Variants in PHACTR1 observed in about 807,000 individuals in gnomAD.
PHACTR1 encodes phosphatase and actin regulator 1.
In PHACTR1, 16 loss-of-function variants were observed where a neutral mutation model predicts 69.2. The ratio of observed to expected loss-of-function variants is 0.23; its 90% CI spans 0.16 to 0.35. The LOEUF (loss-of-function observed/expected upper bound fraction) is 0.35. Ranked by LOEUF, PHACTR1 falls within the 10% of genes least tolerant of loss-of-function variation. The pLI is 1.00. For missense variants in PHACTR1, 510 were observed against 734.7 expected (o/e 0.69, Z 3.54); for synonymous variants, 312 against 284.5 (o/e 1.10, Z -0.97).
Position 13,230,024 on chromosome 6 carries a change from C to A in PHACTR1, c.1235-13C>A. 2.5e-6 allele frequency: 4 copies of A among 1,597,468 alleles called. No homozygotes were observed. The highest frequency in any genetic ancestry group is 3.4e-6 in the Non-Finnish European group (4 of 1,171,760). On this transcript the variant is annotated splice_polypyrimidine_tract_variant and intron_variant, in intron 9 of 14. Transcript: ENST00000332995. ...TATGTAAGCCTTAATTGACTCATTT[C>A]TGTCTCCTACAGGCTCCCTGGCCAT...
At chr6:13,185,552 T>C (rs1762729068) in intron 7 of PHACTR1, among the ~76,000 whole-genome samples, 3 of 152,152 alleles carry the variant, frequency 2.0e-5, no homozygotes, top group Admixed American at 2.0e-4. Flanking sequence ...TCTAAAATGA[T>C]TGCACACGTC....
At chr6:12,798,461 A>G (rs185958421) in intron 4 of PHACTR1, among the ~76,000 whole-genome samples, 49 of 152,306 alleles carry the variant, frequency 3.2e-4, no homozygotes, top group African/African-American at 1.0e-3. Flanking sequence ...AAGGTAGTGG[A>G]TATTGGAAAG....
chr6:12,718,152 T>C (rs1467033220), intron 2 of PHACTR1, among the ~76,000 whole-genome samples: 1 of 152,196 alleles, frequency 6.6e-6, no homozygotes, highest in African/African-American at 2.4e-5. Context: ...CCTCTAGCAC[T>C]TTATAAAATG....
intron 4 of PHACTR1, among the ~76,000 whole-genome samples, chr6:12,849,310 G>A (rs897626389): frequency 2.6e-5 from 4 of 152,194 alleles, no homozygotes; most frequent in Admixed American, 1.3e-4. Context: ...GAGGTCCCAC[G>A]TCGGTGATTC....
intron 4 of PHACTR1, among the ~76,000 whole-genome samples, chr6:13,004,748 G>C (rs1291597513): frequency 6.6e-6 from 1 of 152,104 alleles, no homozygotes; most frequent in Admixed American, 6.6e-5. Flanking sequence ...ACGGCAGCAT[G>C]ATATGTTGGA....
chr6:13,257,970 G>A (rs1019759516), intron 10 of PHACTR1, among the ~76,000 whole-genome samples: 2 of 152,172 alleles, frequency 1.3e-5, no homozygotes. Context: ...TGATGCTGAC[G>A]CTGGGGACCA....
Position 12,915,796 on chromosome 6 carries a change from C to T in PHACTR1, c.251-137569C>T, listed in dbSNP as rs145220453. ...GAATTGAACCCATCTGCTTCGTCACCCCTACCACCTCTGAGTTAGTTCATC... is the reference window on the plus strand; with the variant it reads ...GAATTGAACCCATCTGCTTCGTCACTCCTACCACCTCTGAGTTAGTTCATC... On this transcript the variant is annotated intron_variant, in intron 4 of 14. Transcript: ENST00000332995. Among the ~76,000 whole-genome samples the T allele has an allele frequency of 3.6e-4, 55 of 152,232 alleles. No individual in the cohort carries two copies. The East Asian group carries it at 9.5e-3, about 26-fold the overall frequency.
At chr6:12,724,125 C>G (rs971363017) in intron 3 of PHACTR1, among the ~76,000 whole-genome samples, 3 of 152,018 alleles carry the variant, frequency 2.0e-5, no homozygotes, top group Non-Finnish European at 4.4e-5. Flanking sequence ...GTCAGGAGTT[C>G]GAGACCAATC....
chr6:12,745,369 T>G (rs529458120), intron 3 of PHACTR1, among the ~76,000 whole-genome samples: 15 of 152,322 alleles, frequency 9.8e-5, no homozygotes, highest in African/African-American at 3.6e-4. Context: ...AAATGCCTTC[T>G]TCCCAAGTCA....
intron 4 of PHACTR1, among the ~76,000 whole-genome samples, chr6:12,786,733 G>A (rs1263400215): frequency 1.3e-5 from 2 of 152,196 alleles, no homozygotes; most frequent in East Asian, 3.8e-4. Context: ...CTTGGTAAAA[G>A]CAGTCATTTT....
chr6:13,057,184 G>C (rs968820779), intron 5 of PHACTR1, among the ~76,000 whole-genome samples: 1 of 152,020 alleles, frequency 6.6e-6, no homozygotes, highest in East Asian at 1.9e-4. Context: ...TTGAGATGAT[G>C]GATATTCCCA....
intron 4 of PHACTR1, among the ~76,000 whole-genome samples, chr6:13,017,483 A>T (rs1270329673): frequency 6.6e-6 from 1 of 152,050 alleles, no homozygotes. Context: ...TTTAGTGGGG[A>T]TAGAGGGAGA....
At chr6:12,971,987 T>G (rs181110984) in intron 4 of PHACTR1, among the ~76,000 whole-genome samples, 1 of 152,246 alleles carries the variant, frequency 6.6e-6, no homozygotes, top group Non-Finnish European at 1.5e-5. Context: ...TGACTTCTGT[T>G]GAGCACCTAC....
At chr6:12,861,800 G>A (rs928525630) in intron 4 of PHACTR1, among the ~76,000 whole-genome samples, 18 of 152,234 alleles carry the variant, frequency 1.2e-4, no homozygotes, top group African/African-American at 4.3e-4. Flanking sequence ...CAAAAACTTG[G>A]CTCTATGCCA....
At chr6:13,272,978 G>T in intron 11 of PHACTR1, 63 bp downstream of exon 11, 1 of 1,601,994 alleles carries the variant, frequency 6.2e-7, no homozygotes, top group Non-Finnish European at 8.5e-7. Context: ...TTATTTAATG[G>T]TAGGCCACAA....
At chr6:13,263,949 T>G (rs1055130999) in intron 10 of PHACTR1, among the ~76,000 whole-genome samples, 3 of 152,200 alleles carry the variant, frequency 2.0e-5, no homozygotes, top group Admixed American at 2.0e-4. Flanking sequence ...GATGGCTGCT[T>G]TGCTTGGTGA....
At chr6:12,949,435 T>A (rs1377076728) in intron 4 of PHACTR1, among the ~76,000 whole-genome samples, 1 of 152,052 alleles carries the variant, frequency 6.6e-6, no homozygotes, top group Non-Finnish European at 1.5e-5. Flanking sequence ...CAGACACCAC[T>A]CTCTTAGCAT....
chr6:12,770,438 G>A (rs541405497), intron 4 of PHACTR1, among the ~76,000 whole-genome samples: 72 of 152,282 alleles, frequency 4.7e-4, no homozygotes, highest in African/African-American at 1.6e-3. Flanking sequence ...GGGAGAGTGA[G>A]GGATCTTTAG....
rs148807220 is a variant in PHACTR1 at position 13,149,178 on chromosome 6, G to C, written c.416-11026G>C. Among the ~76,000 whole-genome samples, 574 of 152,246 alleles carry C rather than the reference G, an allele frequency of 3.8e-3. 5 individuals are homozygous for C. Among genetic ancestry groups the C allele is most frequent in the Non-Finnish European group, 2.6e-3 (180 of 68,038 alleles). ...CACCTCATTTGCTTTCTGCAATCTG[G>C]TATTTAGATCAGCATCTCCCAGAGG... On this transcript the variant is annotated intron_variant, in intron 5 of 14. Transcript: ENST00000332995.
Sources: gnomAD v4.1 joint callset for allele counts (sites outside exome capture counted in the v4.1 genomes callset) on GRCh38, gnomAD v4.1.1 for gene constraint, MANE v1.5 for transcripts, NCBI Gene and HGNC (gene_info 2026-07-23, HGNC 2026-07-21) for gene names.